CDH13: variants seen among roughly 807,000 people sequenced by gnomAD.
The protein encoded by CDH13 is cadherin-13.
CDH13 carries 24 observed loss-of-function variants against 63.8 expected under a neutral mutation model. The ratio of observed to expected loss-of-function variants is 0.38; its 90% CI spans 0.27 to 0.53. The LOEUF (loss-of-function observed/expected upper bound fraction) is 0.53, where lower values mean the gene tolerates loss of function less well. CDH13 is among the 20% of genes least tolerant of loss of function. The probability of loss-of-function intolerance (pLI) is 0.85; values close to 1 mark genes in which losing one functional copy is unlikely to be tolerated. For missense variants in CDH13, 1,049 were observed against 903.1 expected (o/e 1.16, Z -2.07); for synonymous variants, 503 against 355.3 (o/e 1.42, Z -4.67).
intron 1 of CDH13, among the ~76,000 whole-genome samples, chr16:82,738,019 C>A (rs2033761393): frequency 1.3e-5 from 2 of 152,142 alleles, no homozygotes; most frequent in African/African-American, 2.4e-5. Flanking sequence ...TGTTTAAGTG[C>A]ACAATGCAGT....
chr16:83,109,552 G>GA (rs112055496), intron 3 of CDH13, among the ~76,000 whole-genome samples: 15,332 of 152,128 alleles, frequency 0.1, 887 homozygotes, highest in African/African-American at 0.15. Flanking sequence ...TTTTCCAAGT[G>GA]CGGGTTTTCT....
At chr16:83,553,565 A>AT (rs2075549199) in intron 7 of CDH13, among the ~76,000 whole-genome samples, 1 of 151,684 alleles carries the variant, frequency 6.6e-6, no homozygotes, top group African/African-American at 2.4e-5. Context: ...TTGTTGTTGT[A>AT]TTTTTTTCTC....
intron 1 of CDH13, among the ~76,000 whole-genome samples, chr16:82,843,512 C>G (rs1271585298): frequency 1.3e-5 from 2 of 152,140 alleles, no homozygotes; most frequent in African/African-American, 2.4e-5. Flanking sequence ...GCTTTCCACA[C>G]CAATTTGTGC....
chr16:83,474,162 A>G (rs897049158), intron 6 of CDH13, among the ~76,000 whole-genome samples: 6 of 152,114 alleles, frequency 3.9e-5, no homozygotes, highest in Non-Finnish European at 8.8e-5. Context: ...TAGAAGAACT[A>G]TTTCTGGTGC....
At chr16:83,758,196 A>T (rs1913671767) in intron 11 of CDH13, among the ~76,000 whole-genome samples, 1 of 152,182 alleles carries the variant, frequency 6.6e-6, no homozygotes, top group African/African-American at 2.4e-5. Flanking sequence ...AAACCCTTCC[A>T]GAAACAGAAA....
intron 11 of CDH13, among the ~76,000 whole-genome samples, chr16:83,777,742 T>C (rs1195497213): frequency 6.6e-6 from 1 of 152,242 alleles, no homozygotes; most frequent in Non-Finnish European, 1.5e-5. Flanking sequence ...CAACTTCAAA[T>C]ACTCACTACC....
intron 1 of CDH13, among the ~76,000 whole-genome samples, chr16:82,849,466 C>T (rs1197253186): frequency 6.6e-6 from 1 of 152,148 alleles, no homozygotes; most frequent in Non-Finnish European, 1.5e-5. Flanking sequence ...CACACCACTG[C>T]ACTCCAGCCT....
intron 7 of CDH13, among the ~76,000 whole-genome samples, chr16:83,487,316 T>C (rs2073912422): frequency 6.6e-6 from 1 of 152,210 alleles, no homozygotes; most frequent in Non-Finnish European, 1.5e-5. Flanking sequence ...CACGTTTCTG[T>C]TTTAAAAATG....
intron 13 of CDH13, among the ~76,000 whole-genome samples, chr16:83,791,819 A>G (rs1298729537): frequency 6.6e-6 from 1 of 151,848 alleles, no homozygotes; most frequent in African/African-American, 2.4e-5. Flanking sequence ...TCCAAAAAAA[A>G]AAAAAAAAAA....
At chr16:83,551,054 TTATATCTATC>T (rs1487334484) in intron 7 of CDH13, among the ~76,000 whole-genome samples, 14 of 11,288 alleles carry the variant, frequency 1.2e-3, no homozygotes, top group Non-Finnish European at 2.9e-3. Context: ...CTTAAGTCAT[TTATATCTATC>T]TATCTATCTA....
chr16:82,683,461 A>G (rs1196078242), intron 1 of CDH13, among the ~76,000 whole-genome samples: 5 of 152,192 alleles, frequency 3.3e-5, no homozygotes, highest in Non-Finnish European at 7.4e-5. Flanking sequence ...ACACGGAAGG[A>G]TGGCCGTATG....
At chr16:83,646,712 A>AAAAAC (rs1168012793) in intron 8 of CDH13, among the ~76,000 whole-genome samples, 12,606 of 78,676 alleles carry the variant, frequency 0.16, 2,402 homozygotes, top group Non-Finnish European at 0.19. Flanking sequence ...AAAAAAAAAA[A>AAAAAC]ACACACACAC....
chr16:83,728,327 A>ATGTGTGTGCGTGTG (rs1311517670), intron 10 of CDH13, among the ~76,000 whole-genome samples: 1 of 61,352 alleles, frequency 1.6e-5, no homozygotes, highest in African/African-American at 5.1e-5. Flanking sequence ...CTATGTGTGT[A>ATGTGTGTGCGTGTG]TGTGTATGTG....
intron 2 of CDH13, among the ~76,000 whole-genome samples, chr16:83,008,138 C>G (rs959666119): frequency 6.6e-6 from 1 of 152,072 alleles, no homozygotes; most frequent in Non-Finnish European, 1.5e-5. Flanking sequence ...ATACCTTAAG[C>G]TTACATTCTC....
chr16:82,968,056 T>C (rs1398275076), intron 2 of CDH13, among the ~76,000 whole-genome samples: 2 of 152,232 alleles, frequency 1.3e-5, no homozygotes, highest in African/African-American at 2.4e-5. Flanking sequence ...CATTTATTTG[T>C]TGGCATTCTA....
intron 1 of CDH13, among the ~76,000 whole-genome samples, chr16:82,829,026 A>G (rs554122627): frequency 2.6e-5 from 4 of 152,270 alleles, no homozygotes; most frequent in African/African-American, 9.6e-5. Context: ...GTTTTAGAAA[A>G]AAGGTGGACA....
intron 5 of CDH13, among the ~76,000 whole-genome samples, chr16:83,227,191 G>C (rs1162971100): frequency 6.6e-6 from 1 of 152,224 alleles, no homozygotes; most frequent in Non-Finnish European, 1.5e-5. Flanking sequence ...AAGCACCACA[G>C]CTATGGGAAC....
chr16:83,384,576 G>T (rs2091635629), intron 6 of CDH13, among the ~76,000 whole-genome samples: 1 of 152,246 alleles, frequency 6.6e-6, no homozygotes, highest in Non-Finnish European at 1.5e-5. Flanking sequence ...CGAGCAGAAG[G>T]AATGGTTCTG....
chr16:82,869,920 G>A (rs1031465486), intron 2 of CDH13, among the ~76,000 whole-genome samples: 4 of 152,092 alleles, frequency 2.6e-5, no homozygotes, highest in African/African-American at 9.7e-5. Context: ...CATTGGTCTT[G>A]GCAAAGATTT....
Sources: gnomAD v4.1 joint callset for allele counts (sites outside exome capture counted in the v4.1 genomes callset) on GRCh38, gnomAD v4.1.1 for gene constraint, MANE v1.5 for transcripts, NCBI Gene and HGNC (gene_info 2026-07-23, HGNC 2026-07-21) for gene names.